Variants in FHIT observed in about 807,000 individuals in gnomAD.
FHIT encodes the protein bis(5'-adenosyl)-triphosphatase.
FHIT carries 19 observed loss-of-function variants against 17.9 expected under a neutral mutation model. The ratio of observed to expected loss-of-function variants is 1.06; its 90% CI spans 0.74 to 1.56. The LOEUF (loss-of-function observed/expected upper bound fraction) is 1.56. Ranked by LOEUF, FHIT falls within the 40% of genes most tolerant of loss-of-function variation. FHIT has a pLI of 0.00. For synonymous variants in FHIT, 81 were observed against 69.7 expected (o/e 1.16, Z -0.81); for missense variants, 248 against 189.2 (o/e 1.31, Z -1.82).
intron 3 of FHIT, among the ~76,000 whole-genome samples, chr3:60,964,163 T>C (rs551051027): frequency 6.6e-6 from 1 of 152,334 alleles, no homozygotes; most frequent in Non-Finnish European, 1.5e-5. Flanking sequence ...TCTTGTTGAA[T>C]TGATCCCTTT....
rs1011521798 is a variant in FHIT, at chr3:60,227,014, G to A, written c.104-212862C>T. On this transcript the variant is annotated intron_variant, in intron 5 of 9. Coordinates refer to ENST00000492590, the MANE Select transcript of FHIT (RefSeq NM_002012.4). ...ATCTCAATAAACTAGCAGTTAGGAT[G>A]ATGGGAAAATCTACAAGGGCTCAGA... 2.6e-5 allele frequency among the ~76,000 whole-genome samples: 4 copies of A among 152,160 alleles called. No individual in the cohort carries two copies. In the South Asian group the frequency reaches 6.2e-4, roughly 24 times the overall value.
At chr3:60,428,165 C>T (rs1702745207) in intron 5 of FHIT, among the ~76,000 whole-genome samples, 1 of 152,110 alleles carries the variant, frequency 6.6e-6, no homozygotes, top group Non-Finnish European at 1.5e-5. Context: ...AAGTCCAATA[C>T]ATGTAAGTTT....
intron 2 of FHIT, among the ~76,000 whole-genome samples, chr3:61,192,476 G>A (rs2038744821): frequency 6.6e-6 from 1 of 152,178 alleles, no homozygotes; most frequent in Non-Finnish European, 1.5e-5. Context: ...CAGACATTTG[G>A]AGCCAGGATT....
intron 8 of FHIT, among the ~76,000 whole-genome samples, chr3:59,882,459 T>G (rs1159408739): frequency 9.5e-6 from 1 of 105,506 alleles, no homozygotes; most frequent in Non-Finnish European, 1.9e-5. Context: ...CAGACTGTAA[T>G]TGAGTTTTAG....
intron 2 of FHIT, among the ~76,000 whole-genome samples, chr3:61,058,079 T>A (rs2034288633): frequency 6.6e-6 from 1 of 152,092 alleles, no homozygotes; most frequent in Admixed American, 6.5e-5. Flanking sequence ...AAACAACACC[T>A]ACATTACAAA....
intron 2 of FHIT, among the ~76,000 whole-genome samples, chr3:61,171,836 C>G (rs1459063693): frequency 6.6e-6 from 1 of 152,172 alleles, no homozygotes; most frequent in East Asian, 1.9e-4. Flanking sequence ...TACCAAGATC[C>G]CCAGAAAATT....
In FHIT at chr3:60,281,808, CA is replaced by C. The variant is rs558549546; in HGVS notation, c.103+255051del. ...AGATATAACAACAAAAAATTATCTA[CA>C]AAAAAAATTTTAAATTGAATTGTAT... On this transcript the variant is annotated intron_variant, in intron 5 of 9. Transcript: ENST00000492590. 7.2e-3 allele frequency among the ~76,000 whole-genome samples: 1,094 copies of C among 151,736 alleles called. 13 individuals carry two copies. Among genetic ancestry groups the C allele is most frequent in the African/African-American group, 0.024 (1,004 of 41,392 alleles).
intron 3 of FHIT, among the ~76,000 whole-genome samples, chr3:61,038,652 G>T (rs149163033): frequency 6.6e-6 from 1 of 152,126 alleles, no homozygotes; most frequent in African/African-American, 2.4e-5. Flanking sequence ...TGTTACAGCT[G>T]CATTCTGAAA....
chr3:61,125,213 C>T (rs886450882), intron 2 of FHIT, among the ~76,000 whole-genome samples: 10 of 152,098 alleles, frequency 6.6e-5, no homozygotes, highest in Non-Finnish European at 1.0e-4. Context: ...CACTTTTTTA[C>T]TAAACACAAA....
In FHIT at chr3:60,268,223, T is replaced by C. The variant is rs533805518; in HGVS notation, c.104-254071A>G. ...AGTTTTTAGCATAATATTCTTATGCTGAATAATCTCTATCTCCTATAGCAT... is the reference window on the plus strand; with the variant it reads ...AGTTTTTAGCATAATATTCTTATGCCGAATAATCTCTATCTCCTATAGCAT... On this transcript the variant is annotated intron_variant, in intron 5 of 9. Transcript: ENST00000492590. Among the ~76,000 whole-genome samples the C allele has an allele frequency of 6.6e-4, 100 of 152,344 alleles. 1 individual carries two copies. The highest frequency in any genetic ancestry group is 6.8e-3 in the Middle Eastern group (2 of 294).
intron 4 of FHIT, among the ~76,000 whole-genome samples, chr3:60,739,232 G>C (rs2042196178): frequency 6.6e-6 from 1 of 152,212 alleles, no homozygotes; most frequent in South Asian, 2.1e-4. Context: ...CTGGACAAGA[G>C]CTTGGGATAC....
At chr3:60,910,742 G>C (rs1659051561) in intron 3 of FHIT, among the ~76,000 whole-genome samples, 1 of 152,000 alleles carries the variant, frequency 6.6e-6, no homozygotes, top group Non-Finnish European at 1.5e-5. Context: ...TGTTCATATG[G>C]TCATTTATAA....
At chr3:60,194,225 G>A (rs1312107800) in intron 5 of FHIT, among the ~76,000 whole-genome samples, 3 of 152,100 alleles carry the variant, frequency 2.0e-5, no homozygotes, top group Non-Finnish European at 4.4e-5. Flanking sequence ...CATGGTACTA[G>A]TATAAAAGTA....
chr3:61,033,048 A>G (rs998379225), intron 3 of FHIT, among the ~76,000 whole-genome samples: 1 of 152,224 alleles, frequency 6.6e-6, no homozygotes, highest in Admixed American at 6.5e-5. Context: ...GTTTTGTTCT[A>G]TTCACGTCCT....
At chr3:60,246,960 C>T (rs564982158) in intron 5 of FHIT, among the ~76,000 whole-genome samples, 1 of 152,062 alleles carries the variant, frequency 6.6e-6, no homozygotes, top group Admixed American at 6.6e-5. Context: ...TGCATTGAAA[C>T]TATTCTGTAT....
intron 5 of FHIT, among the ~76,000 whole-genome samples, chr3:60,334,264 G>A (rs112090917): frequency 2.9e-3 from 436 of 152,236 alleles, no homozygotes; most frequent in African/African-American, 9.9e-3. Flanking sequence ...GTCACTTCTA[G>A]CATCCATCTG....
At chr3:61,037,099 G>A (rs1236674539) in intron 3 of FHIT, among the ~76,000 whole-genome samples, 4 of 152,012 alleles carry the variant, frequency 2.6e-5, no homozygotes, top group African/African-American at 7.3e-5. Flanking sequence ...TTTTAGTAGA[G>A]ACAGGGTTTC....
intron 2 of FHIT, among the ~76,000 whole-genome samples, chr3:61,095,646 T>A (rs900221420): frequency 2.6e-5 from 4 of 151,988 alleles, no homozygotes; most frequent in African/African-American, 9.7e-5. Context: ...TTAAAGCATC[T>A]GTTTTAAAAA....
At chr3:60,816,827 G>A (rs565568857) in intron 4 of FHIT, among the ~76,000 whole-genome samples, 2 of 151,950 alleles carry the variant, frequency 1.3e-5, no homozygotes, top group African/African-American at 2.4e-5. Flanking sequence ...TGTACATCAG[G>A]TAGAATTTTG....
Sources: gnomAD v4.1 joint callset for allele counts (sites outside exome capture counted in the v4.1 genomes callset) on GRCh38, gnomAD v4.1.1 for gene constraint, MANE v1.5 for transcripts, NCBI Gene and HGNC (gene_info 2026-07-23, HGNC 2026-07-21) for gene names.